Variants in LARGE1 observed in about 807,000 individuals in gnomAD.
LARGE1 encodes LARGE xylosyl- and glucuronyltransferase 1, also known as xylosyl- and glucuronyltransferase LARGE1.
Under a neutral mutation model 87.6 loss-of-function variants are expected in LARGE1, and 43 were observed. That is an observed-to-expected ratio of 0.49 (90% CI 0.38 to 0.63). The LOEUF (loss-of-function observed/expected upper bound fraction) is 0.63, where lower values mean the gene tolerates loss of function less well. Ranked by LOEUF, LARGE1 falls within the 30% of genes least tolerant of loss-of-function variation. The pLI, the probability that LARGE1 is intolerant of heterozygous loss-of-function variation, is 0.00. For missense variants in LARGE1, 802 were observed against 1,000.2 expected, an observed-to-expected ratio of 0.80 and a Z score of 2.67; for synonymous variants, 434 against 394.6, an observed-to-expected ratio of 1.10 and a Z score of -1.18.
At chr22:33,764,710 T>C (rs543147963) in intron 1 of LARGE1, among the ~76,000 whole-genome samples, 5 of 152,198 alleles carry the variant, frequency 3.3e-5, no homozygotes, top group South Asian at 2.1e-4. Flanking sequence ...GTGAGCAAGA[T>C]TGTGCCACCG....
intron 6 of LARGE1, among the ~76,000 whole-genome samples, chr22:33,534,624 AAG>A (rs1198498947): frequency 1.3e-5 from 2 of 152,152 alleles, no homozygotes; most frequent in African/African-American, 2.4e-5. Context: ...GTAACACAGA[AAG>A]AGTGTGGATT....
At chr22:33,802,073 A>G (rs2086178816) in intron 1 of LARGE1, among the ~76,000 whole-genome samples, 1 of 152,164 alleles carries the variant, frequency 6.6e-6, no homozygotes, top group African/African-American at 2.4e-5. Flanking sequence ...ACATGTGCAA[A>G]GGAATGATTT....
At chr22:33,839,750 G>A (rs891800821) in intron 1 of LARGE1, among the ~76,000 whole-genome samples, 3 of 152,084 alleles carry the variant, frequency 2.0e-5, no homozygotes, top group South Asian at 4.1e-4. Context: ...CAAATCACAC[G>A]TTTACATGAA....
At chr22:33,074,872 T>C in the LARGE1 span, among the ~76,000 whole-genome samples, 1 of 152,162 alleles carries the variant, frequency 6.6e-6, no homozygotes, top group Admixed American at 6.5e-5. Context: ...ATTTACTGAG[T>C]TTTTATTCTG....
At chr22:33,785,138 CATACATATGTGTATATACAT>C (rs2085582617) in intron 1 of LARGE1, among the ~76,000 whole-genome samples, 3 of 136,400 alleles carry the variant, frequency 2.2e-5, no homozygotes, top group African/African-American at 8.5e-5. Context: ...TATGTGTATA[CATACATATGTGTATATACAT>C]ATATGTGTAT....
intron 6 of LARGE1, among the ~76,000 whole-genome samples, chr22:33,558,367 T>C (rs2077756533): frequency 6.6e-6 from 1 of 151,986 alleles, no homozygotes. Context: ...AAGGGGCCAA[T>C]GGGACAACAC....
intron 2 of LARGE1, among the ~76,000 whole-genome samples, chr22:33,679,845 AAAAC>A (rs146032900): frequency 0.048 from 7,328 of 152,186 alleles, 476 homozygotes; most frequent in East Asian, 0.18. Flanking sequence ...TCTGTCTCAA[AAAAC>A]AAACAAACAA....
intron 7 of LARGE1, among the ~76,000 whole-genome samples, chr22:33,429,817 T>C (rs1277119333): frequency 6.6e-6 from 1 of 152,086 alleles, no homozygotes; most frequent in East Asian, 1.9e-4. Context: ...GGGTGACTAG[T>C]CGTTTGCCAG....
At chr22:33,287,906 G>C (rs781185103) in intron 12 of LARGE1, among the ~76,000 whole-genome samples, 4 of 152,210 alleles carry the variant, frequency 2.6e-5, no homozygotes, top group Non-Finnish European at 5.9e-5. Context: ...ATTAGACAAG[G>C]CGTCTAGCTC....
chr22:33,739,208 C>G (rs2083782664), intron 2 of LARGE1, among the ~76,000 whole-genome samples: 2 of 152,062 alleles, frequency 1.3e-5, no homozygotes, highest in South Asian at 4.1e-4. Flanking sequence ...TTGATGGGCG[C>G]TGAGTTATCA....
intron 6 of LARGE1, among the ~76,000 whole-genome samples, chr22:33,514,948 G>T (rs527761969): frequency 3.3e-5 from 5 of 152,104 alleles, no homozygotes; most frequent in Admixed American, 6.5e-5. Context: ...CATGAACCAG[G>T]CACTGTGCTA....
intron 2 of LARGE1, among the ~76,000 whole-genome samples, chr22:33,665,576 G>C (rs2081245002): frequency 1.3e-5 from 2 of 152,154 alleles, no homozygotes; most frequent in Admixed American, 1.3e-4. Flanking sequence ...CTCTGAAACG[G>C]GTTTATTGTC....
At chr22:33,230,001 GTTCTTTT>G (rs1925924635) in intron 11 of LARGE1, among the ~76,000 whole-genome samples, 1 of 111,680 alleles carries the variant, frequency 9.0e-6, no homozygotes, top group African/African-American at 3.1e-5. Context: ...CATTTTCAAA[GTTCTTTT>G]TTTTTTTTTT....
chr22:33,649,774 A>AG (rs2080735012), intron 3 of LARGE1, among the ~76,000 whole-genome samples: 1 of 152,252 alleles, frequency 6.6e-6, no homozygotes, highest in Non-Finnish European at 1.5e-5. Flanking sequence ...AGAAGCGTGG[A>AG]TGCAGGTATT....
intron 3 of LARGE1, among the ~76,000 whole-genome samples, chr22:33,635,043 G>A (rs1254241231): frequency 6.6e-6 from 1 of 151,904 alleles, no homozygotes; most frequent in Non-Finnish European, 1.5e-5. Context: ...ACTTGAACCC[G>A]GGAGGTGGGG....
intron 6 of LARGE1, among the ~76,000 whole-genome samples, chr22:33,474,531 C>T (rs755331610): frequency 1.9e-4 from 29 of 152,088 alleles, no homozygotes; most frequent in Non-Finnish European, 5.9e-5. Flanking sequence ...AGAGACATGG[C>T]GCTTACCCCC....
chr22:33,337,579 G>T, intron 10 of LARGE1, 67 bp downstream of exon 10: 1 of 1,582,490 alleles, frequency 6.3e-7, no homozygotes, highest in African/African-American at 1.3e-5. Flanking sequence ...AGCCTGGCAT[G>T]GGGGAGGTCC....
chr22:33,079,425 C>G, the LARGE1 span, among the ~76,000 whole-genome samples: 4 of 151,884 alleles, frequency 2.6e-5, no homozygotes, highest in Non-Finnish European at 5.9e-5. Context: ...GATGGGGTTT[C>G]ACTGTGTTAG....
the LARGE1 span, among the ~76,000 whole-genome samples, chr22:33,099,863 C>A: frequency 2.6e-5 from 4 of 152,096 alleles, no homozygotes; most frequent in African/African-American, 9.7e-5. Flanking sequence ...CGCTCTGGCC[C>A]GAGTCAGGAA....
Sources: allele counts gnomAD v4.1 joint callset (sites outside exome capture counted in the v4.1 genomes callset), GRCh38; gene constraint gnomAD v4.1.1; transcripts MANE v1.5; gene names NCBI Gene and HGNC (gene_info 2026-07-23, HGNC 2026-07-21).